The following NIPAL1 variants were observed in gnomAD, a reference collection of about 807,000 sequenced individuals.
The protein encoded by NIPAL1 is magnesium transporter NIPA3.
A neutral mutation model predicts 37.7 loss-of-function variants in NIPAL1; 35 were observed. The observed-to-expected ratio is 0.93, with a 90% CI of 0.71 to 1.23. The LOEUF (loss-of-function observed/expected upper bound fraction) is 1.23, where lower values mean the gene tolerates loss of function less well. NIPAL1 is among the 50% of genes most tolerant of loss of function. The pLI is 0.00. For synonymous variants in NIPAL1, 162 were observed against 183.0 expected (o/e 0.89, Z 0.93); for missense variants, 412 against 473.9 (o/e 0.87, Z 1.21).
At chr4:48,031,076 T>C (rs1451755390) in intron 3 of NIPAL1, among the ~76,000 whole-genome samples, 3 of 152,118 alleles carry the variant, frequency 2.0e-5, no homozygotes, top group Admixed American at 2.0e-4. Flanking sequence ...TTTGTTTTGT[T>C]TTTTTTGAGA....
Position 48,025,347 on chromosome 4 carries a change from T to C in NIPAL1, c.313+13T>C, listed in dbSNP as rs771675558. On this transcript the variant is annotated intron_variant, in intron 2 of 5. Coordinates refer to ENST00000295461, the MANE Select transcript of NIPAL1 (RefSeq NM_207330.3). ...TTTACTAGAGCTGGTAAGAAACACA[T>C]GCAACTAATGAATTTAAGTTTCTAA... 8 of 1,609,438 alleles carry C rather than the reference T, an allele frequency of 5.0e-6. No homozygotes were observed. The South Asian group carries it at 8.8e-5, about 18-fold the overall frequency.
chr4:48,029,944 G>A (rs533508321), intron 2 of NIPAL1, among the ~76,000 whole-genome samples, 176 bp from the exon 3 acceptor site: 33 of 152,100 alleles, frequency 2.2e-4, no homozygotes, highest in Middle Eastern at 6.8e-3. Context: ...GTAAATTGGG[G>A]GAAAAAAAGC....
At chr4:48,019,347 A>T (rs1166084378) in intron 1 of NIPAL1, among the ~76,000 whole-genome samples, 2 of 152,246 alleles carry the variant, frequency 1.3e-5, no homozygotes, top group Non-Finnish European at 2.9e-5. Context: ...TAGATGCTTC[A>T]AAAGAGTCTC....
chr4:48,037,365 T>C lies in NIPAL1; in HGVS notation c.*1193T>C. The C allele has an allele frequency of 3.1e-6, 1 of 327,346 alleles. No homozygotes were observed. The highest frequency in any genetic ancestry group is 6.1e-6 in the Non-Finnish European group (1 of 164,986). 20.3% of individuals were successfully genotyped at this position (327,346 alleles called of 1,614,324 possible). A position where few individuals can be genotyped will look rare whatever the true frequency, so the allele number is the denominator to read the frequency against. On this transcript the variant is annotated 3_prime_UTR_variant, in exon 6 of 6. Coordinates refer to ENST00000295461, the MANE Select transcript of NIPAL1 (RefSeq NM_207330.3). ...AGGTGAATTCAGCTTTGGAGTCACT[T>C]ATGTTCATTTTTTTTCCTTTTCTTT...
chr4:48,027,370 T>C lies in NIPAL1; in HGVS notation c.313+2036T>C, dbSNP rs184260031. Among the ~76,000 whole-genome samples the C allele has an allele frequency of 7.4e-4, 112 of 152,282 alleles. No homozygotes were observed. The highest frequency in any genetic ancestry group is 2.6e-3 in the African/African-American group (107 of 41,576). ...CACTAGTACCCAAAGAGATACCAAC[T>C]AGACAATAGTCAGGTTCAGTGTGGT... On this transcript the variant is annotated intron_variant, in intron 2 of 5. Transcript: ENST00000295461. The surrounding 1 kb of genome is among the most constrained non-coding windows in gnomAD (Gnocchi z 4.1).
Position 48,021,770 on chromosome 4 carries a change from A to G in NIPAL1, c.47-3298A>G, listed in dbSNP as rs545307679. 3.2e-4 allele frequency among the ~76,000 whole-genome samples: 49 copies of G among 152,250 alleles called. No individual in the cohort carries two copies. The South Asian group carries it at 9.7e-3, about 30-fold the overall frequency. ...GCAAAAAGAGGCAAAAGCATTTTCAAGATATATGGAGAAAATCTTTTTTAT... is the reference window on the plus strand; with the variant it reads ...GCAAAAAGAGGCAAAAGCATTTTCAGGATATATGGAGAAAATCTTTTTTAT... On this transcript the variant is annotated intron_variant, in intron 1 of 5. Transcript: ENST00000295461.
intron 1 of NIPAL1, among the ~76,000 whole-genome samples, chr4:48,019,997 A>G (rs900277435): frequency 6.6e-6 from 1 of 152,150 alleles, no homozygotes; most frequent in African/African-American, 2.4e-5. Flanking sequence ...TGCTTTTACT[A>G]CTTGCTATGG....
intron 3 of NIPAL1, among the ~76,000 whole-genome samples, chr4:48,030,973 G>A (rs1388925692): frequency 6.6e-6 from 1 of 152,110 alleles, no homozygotes; most frequent in African/African-American, 2.4e-5. Flanking sequence ...AATAAATGGT[G>A]GAATCTAAAA....
Position 48,039,052 on chromosome 4 carries a change from C to A in NIPAL1, c.*2880C>A, listed in dbSNP as rs956432893. On this transcript the variant is annotated 3_prime_UTR_variant, in exon 6 of 6. Transcript: ENST00000295461. ...AAAAAATGTTGTTGCAAATCTAACA[C>A]TAAAAAATTTTTGACTGGGTGCAGT... The A allele has an allele frequency of 6.6e-6, 1 of 151,970 alleles. No homozygotes were observed. The highest frequency in any genetic ancestry group is 2.4e-5 in the African/African-American group (1 of 41,360). 9.4% of individuals were successfully genotyped at this position (151,970 alleles called of 1,614,324 possible).
At chr4:48,031,841 C>T (rs545329530) in intron 3 of NIPAL1, among the ~76,000 whole-genome samples, 9 of 152,072 alleles carry the variant, frequency 5.9e-5, no homozygotes, top group Non-Finnish European at 1.2e-4. Flanking sequence ...CAGATTCAAA[C>T]GATTCTCCTG....
Position 48,024,296 on chromosome 4 carries a change from T to A in NIPAL1, c.47-772T>A, listed in dbSNP as rs1164677496. On this transcript the variant is annotated intron_variant, in intron 1 of 5. Coordinates refer to ENST00000295461, the MANE Select transcript of NIPAL1 (RefSeq NM_207330.3). ...CAATTTCTTTTTTCTTTTTTTCTTT[T>A]TCGAGACAGGGTCTTGCTGTTACCT... 3.9e-5 allele frequency among the ~76,000 whole-genome samples: 6 copies of A among 152,024 alleles called. No homozygotes were observed. In the East Asian group the frequency reaches 1.2e-3, roughly 29 times the overall value.
intron 1 of NIPAL1, among the ~76,000 whole-genome samples, chr4:48,021,313 C>CGT (rs370609157): frequency 6.6e-6 from 1 of 151,924 alleles, no homozygotes; most frequent in Non-Finnish European, 1.5e-5. Flanking sequence ...AGTCAAAGTC[C>CGT]CTCATTTTAC....
rs916807020 is a variant in NIPAL1 at position 48,021,435 on chromosome 4, C to A, written c.47-3633C>A. Among the ~76,000 whole-genome samples, 13 of 152,202 alleles carry A rather than the reference C, an allele frequency of 8.5e-5. No homozygotes were observed. In the East Asian group the frequency reaches 2.1e-3, roughly 25 times the overall value. ...GTGTATGTAAACTATTACACCTGTA[C>A]ATAGAAGATAAATATTAGGTTGAAA... On this transcript the variant is annotated intron_variant, in intron 1 of 5. Coordinates refer to ENST00000295461, the MANE Select transcript of NIPAL1 (RefSeq NM_207330.3).
rs200418496 is a variant in NIPAL1, at chr4:48,033,048, G to A, written c.426G>A (p.Leu142=). 356 of 1,613,798 alleles carry A rather than the reference G, an allele frequency of 2.2e-4. 1 individual carries two copies. Among genetic ancestry groups the A allele is most frequent in the Admixed American group, 8.5e-4 (51 of 59,988 alleles). The change falls in exon 4 of 6, where the codon TTG becomes TTA. Residue 142 remains leucine, a synonymous_variant. Coordinates refer to ENST00000295461, the MANE Select transcript of NIPAL1 (RefSeq NM_207330.3). ...CTTATGCTTTTGCACCTGCCACCTTGGTCACCCCTCTGGGTGCTTTGAGTG... is the reference window on the plus strand; with the variant it reads ...CTTATGCTTTTGCACCTGCCACCTTAGTCACCCCTCTGGGTGCTTTGAGTG... ...FAAYAFAPAT[L]VTPLGALSVL...
At chr4:48,030,550 C>T (rs1168927499) in intron 3 of NIPAL1, among the ~76,000 whole-genome samples, 1 of 152,172 alleles carries the variant, frequency 6.6e-6, no homozygotes, top group Non-Finnish European at 1.5e-5. Context: ...CATATTTTCT[C>T]AAGAAAGAGT....
chr4:48,019,633 A>G (rs1715527404), intron 1 of NIPAL1, among the ~76,000 whole-genome samples: 2 of 152,218 alleles, frequency 1.3e-5, no homozygotes, highest in Admixed American at 6.5e-5. Context: ...TATTCTATGA[A>G]AGGAACAGAA....
At chr4:48,023,003 G>GA (rs2109366139) in intron 1 of NIPAL1, among the ~76,000 whole-genome samples, 1 of 152,150 alleles carries the variant, frequency 6.6e-6, no homozygotes, top group African/African-American at 2.4e-5. Flanking sequence ...AAAAAGAAAT[G>GA]AAAATTTGCA....
In NIPAL1 at chr4:48,038,932, A is replaced by T. The variant is rs1716016162; in HGVS notation, c.*2760A>T. 6.6e-6 allele frequency: 1 copy of T among 152,184 alleles called. No individual in the cohort carries two copies. Among genetic ancestry groups the T allele is most frequent in the African/African-American group, 2.4e-5 (1 of 41,434 alleles). 9.4% of individuals were successfully genotyped at this position (152,184 alleles called of 1,614,324 possible). A position where few individuals can be genotyped will look rare whatever the true frequency, so the allele number is the denominator to read the frequency against. ...ACATGTATGCATGCCCAGGAGGAAG[A>T]CTGGGAAAGATTTAATGAGTTGAAG... On this transcript the variant is annotated 3_prime_UTR_variant, in exon 6 of 6. Coordinates refer to ENST00000295461, the MANE Select transcript of NIPAL1 (RefSeq NM_207330.3).
intron 1 of NIPAL1, among the ~76,000 whole-genome samples, chr4:48,018,886 A>G (rs1397644005): frequency 6.6e-6 from 1 of 152,226 alleles, no homozygotes; most frequent in East Asian, 1.9e-4. Flanking sequence ...TAGATTGGGT[A>G]TTCAATGAAA....
Sources: allele counts gnomAD v4.1 joint callset (sites outside exome capture counted in the v4.1 genomes callset), GRCh38; gene constraint gnomAD v4.1.1; non-coding constraint Gnocchi (gnomAD v3.1); transcripts MANE v1.5; gene names NCBI Gene and HGNC (gene_info 2026-07-23, HGNC 2026-07-21).